Variants in STXBP4 observed in about 807,000 individuals in gnomAD.
The protein encoded by STXBP4 is syntaxin binding protein 4.
STXBP4 carries 55 observed loss-of-function variants against 76.1 expected under a neutral mutation model. The ratio of observed to expected loss-of-function variants is 0.72; its 90% CI spans 0.58 to 0.91. The LOEUF is 0.91. Ranked by LOEUF, STXBP4 falls within the 40% of genes least tolerant of loss-of-function variation. The pLI, the probability that STXBP4 is intolerant of heterozygous loss-of-function variation, is 0.00. For missense variants in STXBP4, 618 were observed against 636.9 expected, an observed-to-expected ratio of 0.97 and a Z score of 0.32; for synonymous variants, 201 against 220.2, an observed-to-expected ratio of 0.91 and a Z score of 0.77.
At chr17:55,009,926 G>A (rs2078077015) in intron 8 of STXBP4, among the ~76,000 whole-genome samples, 1 of 151,834 alleles carries the variant, frequency 6.6e-6, no homozygotes, top group African/African-American at 2.4e-5. Flanking sequence ...ATCTCAGCTT[G>A]AAATAGGTCC....
intron 16 of STXBP4, among the ~76,000 whole-genome samples, chr17:55,116,890 G>A (rs1228012173): frequency 6.6e-6 from 1 of 151,668 alleles, no homozygotes; most frequent in African/African-American, 2.4e-5. Flanking sequence ...ATAATAAAAT[G>A]AGTCAGCTAC....
At chr17:55,055,984 G>A (rs2078918858) in intron 12 of STXBP4, among the ~76,000 whole-genome samples, 1 of 152,224 alleles carries the variant, frequency 6.6e-6, no homozygotes, top group Non-Finnish European at 1.5e-5. Flanking sequence ...CAAACATTTG[G>A]TGAATGGATA....
intron 1 of STXBP4, among the ~76,000 whole-genome samples, chr17:54,981,446 G>T (rs16955471): frequency 0.28 from 42,558 of 151,768 alleles, 6,233 homozygotes; most frequent in African/African-American, 0.35. Context: ...AAGAGATTTT[G>T]TATATGATGA....
intron 16 of STXBP4, among the ~76,000 whole-genome samples, chr17:55,109,757 G>A (rs1443990281): frequency 6.6e-6 from 1 of 151,116 alleles, no homozygotes; most frequent in Non-Finnish European, 1.5e-5. Flanking sequence ...AGCCTCCTGA[G>A]TAGCTGGGAT....
At chr17:55,184,636 A>G in the STXBP4 span, among the ~76,000 whole-genome samples, 1 of 152,248 alleles carries the variant, frequency 6.6e-6, no homozygotes, top group African/African-American at 2.4e-5. Flanking sequence ...TCTTTAAAGT[A>G]ATCTCTAGTC....
At chr17:55,074,781 A>G (rs1598288501) in intron 13 of STXBP4, among the ~76,000 whole-genome samples, 1 of 152,068 alleles carries the variant, frequency 6.6e-6, no homozygotes, top group Non-Finnish European at 1.5e-5. Flanking sequence ...ACTCTAAGCC[A>G]GTAACCTGTC....
At position 55,164,799 on chromosome 17, in the gene STXBP4, G is replaced by A. The variant is rs2080368184; in HGVS notation, c.*4888G>A. The A allele has an allele frequency of 6.6e-6, 1 of 152,244 alleles. No homozygotes were observed. The highest frequency in any genetic ancestry group is 6.5e-5 in the Admixed American group (1 of 15,278). 9.4% of individuals were successfully genotyped at this position (152,244 alleles called of 1,614,324 possible). On this transcript the variant is annotated 3_prime_UTR_variant, in exon 18 of 18. Transcript: ENST00000376352. Reference sequence around the variant, plus strand: ...AGTTTGCCCTAACCTTGTTTTGTTTGTTATCTTCCTCAATAGTGGGAGTAA... The same window carrying A: ...AGTTTGCCCTAACCTTGTTTTGTTTATTATCTTCCTCAATAGTGGGAGTAA...
the STXBP4 span, among the ~76,000 whole-genome samples, chr17:55,208,741 C>T: frequency 6.6e-6 from 1 of 152,052 alleles, no homozygotes; most frequent in African/African-American, 2.4e-5. Flanking sequence ...ATAAAACAGA[C>T]CTGCAGGGAG....
At chr17:55,185,263 C>G in the STXBP4 span, among the ~76,000 whole-genome samples, 1 of 51,464 alleles carries the variant, frequency 1.9e-5, no homozygotes, top group Non-Finnish European at 4.0e-5. Context: ...TTCTCCTTCT[C>G]CTTCTCCTTC....
At chr17:55,198,738 A>G in the STXBP4 span, among the ~76,000 whole-genome samples, 8 of 152,256 alleles carry the variant, frequency 5.3e-5, no homozygotes, top group Non-Finnish European at 8.8e-5. Context: ...AACGTACAGA[A>G]TTCTTGCTTT....
intron 16 of STXBP4, among the ~76,000 whole-genome samples, chr17:55,091,485 C>T (rs1232166586): frequency 6.6e-6 from 1 of 152,016 alleles, no homozygotes; most frequent in African/African-American, 2.4e-5. Flanking sequence ...CTTTTGAGTG[C>T]AGATATGGCC....
chr17:55,072,478 C>G (rs891846712), intron 12 of STXBP4, among the ~76,000 whole-genome samples: 29 of 152,172 alleles, frequency 1.9e-4, no homozygotes, highest in African/African-American at 6.5e-4. Context: ...ATGGAGAAGC[C>G]CCATAACACT....
intron 6 of STXBP4, 138 bp downstream of exon 6, chr17:54,999,980 A>G: frequency 1.2e-6 from 1 of 803,754 alleles, no homozygotes; most frequent in Non-Finnish European, 1.9e-6. Context: ...ATTTTTTTCT[A>G]TTTAAAATTT....
intron 16 of STXBP4, among the ~76,000 whole-genome samples, chr17:55,139,604 T>A (rs1021886338): frequency 6.6e-6 from 1 of 152,084 alleles, no homozygotes; most frequent in African/African-American, 2.4e-5. Context: ...ATAAATCTAC[T>A]TGAACTGGTG....
chr17:55,053,318 C>A (rs979249395), intron 12 of STXBP4, among the ~76,000 whole-genome samples: 1 of 151,802 alleles, frequency 6.6e-6, no homozygotes, highest in Non-Finnish European at 1.5e-5. Context: ...ATATAACTTA[C>A]CCTCAGATGG....
At chr17:55,103,334 C>T (rs2079588841) in intron 16 of STXBP4, among the ~76,000 whole-genome samples, 1 of 152,132 alleles carries the variant, frequency 6.6e-6, no homozygotes, top group Non-Finnish European at 1.5e-5. Context: ...GATCCAGTTT[C>T]AGTTTTCTAC....
At chr17:55,126,431 C>G (rs747770868) in intron 16 of STXBP4, among the ~76,000 whole-genome samples, 1 of 151,974 alleles carries the variant, frequency 6.6e-6, no homozygotes, top group Non-Finnish European at 1.5e-5. Flanking sequence ...AGTATAATAC[C>G]TTTTAAAAAA....
chr17:55,092,811 TA>T (rs1250099727), intron 16 of STXBP4, among the ~76,000 whole-genome samples: 4 of 152,214 alleles, frequency 2.6e-5, no homozygotes, highest in Non-Finnish European at 4.4e-5. Flanking sequence ...ATTTATCTTT[TA>T]AATTCTTCCC....
chr17:55,055,728 C>T (rs1207479416), intron 12 of STXBP4, among the ~76,000 whole-genome samples: 1 of 152,192 alleles, frequency 6.6e-6, no homozygotes, highest in African/African-American at 2.4e-5. Context: ...TCTTTCCACA[C>T]TTCTCCCCTC....
Sources: allele counts gnomAD v4.1 joint callset (sites outside exome capture counted in the v4.1 genomes callset), GRCh38; gene constraint gnomAD v4.1.1; transcripts MANE v1.5; gene names NCBI Gene and HGNC (gene_info 2026-07-23, HGNC 2026-07-21).